PLXDC2: variants seen among roughly 807,000 people sequenced by gnomAD.
PLXDC2 encodes plexin domain-containing protein 2.
A neutral mutation model predicts 68.9 loss-of-function variants in PLXDC2; 40 were observed. That is an observed-to-expected ratio of 0.58 (90% CI 0.45 to 0.76). The LOEUF (loss-of-function observed/expected upper bound fraction) is 0.76, where lower values mean the gene tolerates loss of function less well. Ranked by LOEUF, PLXDC2 falls within the 30% of genes least tolerant of loss-of-function variation. The pLI, the probability that PLXDC2 is intolerant of heterozygous loss-of-function variation, is 0.00. For missense variants in PLXDC2, 644 were observed against 661.9 expected (o/e 0.97, Z 0.30); for synonymous variants, 243 against 234.2 (o/e 1.04, Z -0.34).
At chr10:20,099,084 G>A (rs1371388397) in intron 4 of PLXDC2, among the ~76,000 whole-genome samples, 1 of 151,946 alleles carries the variant, frequency 6.6e-6, no homozygotes, top group Non-Finnish European at 1.5e-5. Context: ...AAAAAATATA[G>A]AAAATAATAA....
chr10:20,043,414 TG>T (rs1835718407), intron 2 of PLXDC2: 1 of 152,180 alleles, frequency 6.6e-6, no homozygotes, highest in Non-Finnish European at 1.5e-5. Context: ...TGTATATTTT[TG>T]CAGGTAATTC....
intron 12 of PLXDC2, among the ~76,000 whole-genome samples, chr10:20,242,059 T>A (rs1835523173): frequency 6.6e-6 from 1 of 152,048 alleles, no homozygotes; most frequent in African/African-American, 2.4e-5. Context: ...GAAGAAACAG[T>A]CAAGTCTTCA....
chr10:20,265,279 G>T (rs1422726252), intron 13 of PLXDC2, among the ~76,000 whole-genome samples: 2 of 152,280 alleles, frequency 1.3e-5, no homozygotes, highest in East Asian at 3.9e-4. Flanking sequence ...TGACCAGAAA[G>T]ACATCATACA....
At chr10:19,971,565 G>T (rs1834353853) in intron 1 of PLXDC2, among the ~76,000 whole-genome samples, 1 of 152,152 alleles carries the variant, frequency 6.6e-6, no homozygotes. Flanking sequence ...AAAGGTTGGG[G>T]TTTGAAATTC....
chr10:19,840,194 C>T (rs1836876922), intron 1 of PLXDC2, among the ~76,000 whole-genome samples: 1 of 151,720 alleles, frequency 6.6e-6, no homozygotes, highest in Non-Finnish European at 1.5e-5. Flanking sequence ...TTGTGAAATG[C>T]TATTTTTTTT....
rs181770692 is a variant in PLXDC2 at position 20,020,834 on chromosome 10, T to C, written c.324+18848T>C. ...TTCCTTATACCCAAGATAATCCTAT[T>C]TAGAATGAGGTATTGCATAAGATAA... On this transcript the variant is annotated intron_variant, in intron 2 of 13. Coordinates refer to ENST00000377252, the MANE Select transcript of PLXDC2 (RefSeq NM_032812.9). Among the ~76,000 whole-genome samples the C allele has an allele frequency of 3.2e-4, 49 of 152,234 alleles. No homozygotes were observed. In the East Asian group the frequency reaches 8.3e-3, roughly 26 times the overall value.
intron 6 of PLXDC2, 152 bp downstream of exon 6, chr10:20,148,054 T>C: frequency 1.6e-6 from 1 of 618,376 alleles, no homozygotes; most frequent in Non-Finnish European, 2.8e-6. Context: ...ATGTTTTGAT[T>C]AGTTTTAATT....
At chr10:20,064,491 A>AT (rs964857617) in intron 3 of PLXDC2, among the ~76,000 whole-genome samples, 6 of 151,870 alleles carry the variant, frequency 4.0e-5, no homozygotes, top group Admixed American at 2.0e-4. Context: ...AAGTGCTGTG[A>AT]TTTTTTCTTT....
chr10:20,160,111 T>A (rs1834271286), intron 6 of PLXDC2, among the ~76,000 whole-genome samples: 1 of 152,184 alleles, frequency 6.6e-6, no homozygotes, highest in African/African-American at 2.4e-5. Flanking sequence ...ATACAGAAAA[T>A]ATATTCAATT....
At chr10:20,041,985 C>T (rs575027408) in intron 2 of PLXDC2, among the ~76,000 whole-genome samples, 1 of 152,302 alleles carries the variant, frequency 6.6e-6, no homozygotes, top group South Asian at 2.1e-4. Flanking sequence ...TCTCCAAATA[C>T]AGGCACACTG....
chr10:19,905,294 G>A (rs186793038), intron 1 of PLXDC2, among the ~76,000 whole-genome samples: 49 of 152,322 alleles, frequency 3.2e-4, no homozygotes, highest in Non-Finnish European at 6.0e-4. Context: ...AATTTAACTA[G>A]AGGCCAAAAG....
chr10:19,877,708 T>G (rs1257870402), intron 1 of PLXDC2, among the ~76,000 whole-genome samples: 1 of 152,248 alleles, frequency 6.6e-6, no homozygotes. Context: ...TCTCTCGGCC[T>G]GGCCGCCTGC....
Position 20,217,596 on chromosome 10 carries a change from CTTTTTTTTTTTTTTTTT to C in PLXDC2, c.1273+32_1273+48del, listed in dbSNP as rs66483508. ...CAGAAGGTACCCAAGAGATAGTTTG[CTTTTTTTTTTTTTTTTT>C]TTTTTTTTTTTCCCTGAAGGAAGGA... On this transcript the variant is annotated intron_variant, in intron 11 of 13. Transcript: ENST00000377252. The C allele has an allele frequency of 1.1e-4, 85 of 785,122 alleles. No homozygotes were observed. The highest frequency in any genetic ancestry group is 4.3e-5 in the Non-Finnish European group (28 of 648,112). The allele number at this position is 785,122 out of a possible 1,614,324, so 48.6% of individuals were successfully genotyped here.
chr10:19,857,152 C>T (rs1837229377), intron 1 of PLXDC2, among the ~76,000 whole-genome samples: 1 of 152,130 alleles, frequency 6.6e-6, no homozygotes, highest in Non-Finnish European at 1.5e-5. Context: ...AAGTTACTTG[C>T]CTAAAGTTCT....
intron 4 of PLXDC2, among the ~76,000 whole-genome samples, chr10:20,122,557 G>A (rs1409708699): frequency 2.0e-5 from 3 of 152,208 alleles, no homozygotes; most frequent in Non-Finnish European, 4.4e-5. Context: ...GATGGGACGC[G>A]GCTTAGGAGG....
chr10:19,858,291 A>G (rs1006789159), intron 1 of PLXDC2, among the ~76,000 whole-genome samples: 1 of 152,156 alleles, frequency 6.6e-6, no homozygotes, highest in Non-Finnish European at 1.5e-5. Context: ...CATGCAGCTA[A>G]CCTGCTGTCT....
At chr10:20,238,698 C>T (rs1039432511) in intron 12 of PLXDC2, among the ~76,000 whole-genome samples, 136 of 104,844 alleles carry the variant, frequency 1.3e-3, no homozygotes, top group East Asian at 2.0e-3. Flanking sequence ...TATATACACA[C>T]ATATATATGT....
At chr10:19,910,530 T>TA (rs1193217279) in intron 1 of PLXDC2, among the ~76,000 whole-genome samples, 1 of 150,940 alleles carries the variant, frequency 6.6e-6, no homozygotes, top group East Asian at 2.0e-4. Context: ...AGAGCTCTGA[T>TA]AACTACCCTT....
intron 1 of PLXDC2, among the ~76,000 whole-genome samples, chr10:19,972,370 A>G (rs377514418): frequency 1.2e-4 from 18 of 152,312 alleles, no homozygotes; most frequent in African/African-American, 4.3e-4. Flanking sequence ...CCACGTTATC[A>G]CTCAAAAGTG....
Sources: allele counts gnomAD v4.1 joint callset (sites outside exome capture counted in the v4.1 genomes callset), GRCh38; gene constraint gnomAD v4.1.1; transcripts MANE v1.5; gene names NCBI Gene and HGNC (gene_info 2026-07-23, HGNC 2026-07-21).